ANKS1B: variants seen among roughly 807,000 people sequenced by gnomAD.
The protein encoded by ANKS1B is ankyrin repeat and sterile alpha motif domain-containing protein 1B.
ANKS1B carries 36 observed loss-of-function variants against 148.3 expected under a neutral mutation model. The ratio of observed to expected loss-of-function variants is 0.24; its 90% CI spans 0.19 to 0.32. The LOEUF (loss-of-function observed/expected upper bound fraction) is 0.32. Ranked by LOEUF, ANKS1B falls within the 10% of genes least tolerant of loss-of-function variation. ANKS1B has a pLI of 1.00. For synonymous variants in ANKS1B, 542 were observed against 560.8 expected (o/e 0.97, Z 0.47); for missense variants, 1,157 against 1,542.6 (o/e 0.75, Z 4.19).
chr12:99,858,904 C>A (rs1198753353), intron 1 of ANKS1B, among the ~76,000 whole-genome samples: 1 of 152,126 alleles, frequency 6.6e-6, no homozygotes. Context: ...GGATATAAGA[C>A]TACACACTGG....
chr12:99,515,584 A>G (rs1048666815), intron 9 of ANKS1B, among the ~76,000 whole-genome samples: 1 of 152,016 alleles, frequency 6.6e-6, no homozygotes, highest in Non-Finnish European at 1.5e-5. Flanking sequence ...CTTGATGGAC[A>G]CTTAGATTGC....
chr12:99,074,957 G>A (rs532535944), intron 16 of ANKS1B, among the ~76,000 whole-genome samples: 5 of 152,272 alleles, frequency 3.3e-5, no homozygotes, highest in African/African-American at 1.2e-4. Context: ...TTTATGAGGT[G>A]TAATGGGAAC....
intron 14 of ANKS1B, among the ~76,000 whole-genome samples, chr12:99,205,183 A>C (rs1393126088): frequency 6.6e-6 from 1 of 152,190 alleles, no homozygotes; most frequent in Non-Finnish European, 1.5e-5. Context: ...ATGATGGCCA[A>C]ATCTCTAAAC....
intron 17 of ANKS1B, among the ~76,000 whole-genome samples, chr12:98,961,407 A>C (rs1397298504): frequency 6.6e-6 from 1 of 152,208 alleles, no homozygotes; most frequent in Non-Finnish European, 1.5e-5. Flanking sequence ...TTAAATATGA[A>C]GGAGAAATAA....
At chr12:99,345,780 A>T (rs960679453) in intron 12 of ANKS1B, among the ~76,000 whole-genome samples, 1 of 151,920 alleles carries the variant, frequency 6.6e-6, no homozygotes, top group Non-Finnish European at 1.5e-5. Flanking sequence ...AGACCTTTTT[A>T]AAAAAACAGC....
intron 6 of ANKS1B, among the ~76,000 whole-genome samples, 160 bp downstream of exon 6, chr12:99,779,710 TA>T (rs749345187): frequency 1.3e-5 from 2 of 152,088 alleles, no homozygotes; most frequent in Admixed American, 6.5e-5. Context: ...AATAAAACAT[TA>T]AAAGGTATTA....
In ANKS1B at chr12:99,861,993, C is replaced by T. The variant is rs920858036; in HGVS notation, c.135-36604G>A. On this transcript the variant is annotated intron_variant, in intron 1 of 26. Transcript: ENST00000683438. ...GTGGGGCGGGGGTGGGGGGCTGAAG[C>T]CAAAGATTAAAATAAATGCATAATT... Among the ~76,000 whole-genome samples the T allele has an allele frequency of 2.6e-5, 4 of 151,948 alleles. No individual in the cohort carries two copies. The East Asian group carries it at 7.7e-4, about 29-fold the overall frequency.
chr12:99,457,404 A>G (rs555574722), intron 10 of ANKS1B, among the ~76,000 whole-genome samples: 1 of 152,176 alleles, frequency 6.6e-6, no homozygotes, highest in East Asian at 1.9e-4. Context: ...ATAGCATGAT[A>G]AACAGAACAG....
At chr12:99,363,943 G>A (rs905770050) in intron 12 of ANKS1B, among the ~76,000 whole-genome samples, 5 of 152,090 alleles carry the variant, frequency 3.3e-5, no homozygotes, top group Non-Finnish European at 5.9e-5. Context: ...GTATATATAA[G>A]AGGAAAACTA....
intron 1 of ANKS1B, among the ~76,000 whole-genome samples, chr12:99,906,032 T>C (rs1175063005): frequency 6.6e-6 from 1 of 152,176 alleles, no homozygotes; most frequent in Non-Finnish European, 1.5e-5. Context: ...AGGGATATGT[T>C]AAACATGAAA....
At position 99,885,310 on chromosome 12, in the gene ANKS1B, C is replaced by CTT. The variant is rs369104539; in HGVS notation, c.135-59923_135-59922dup. On this transcript the variant is annotated intron_variant, in intron 1 of 26. Coordinates refer to ENST00000683438, the MANE Select transcript of ANKS1B (RefSeq NM_001352186.2). ...CTTATTTCATAACACTTCTCATGTCCTTTTTTTTTTTTTTTTTTGAGACAG... is the reference window on the plus strand; with the variant it reads ...CTTATTTCATAACACTTCTCATGTCCTTTTTTTTTTTTTTTTTTTTGAGACAG... 8.8e-4 allele frequency among the ~76,000 whole-genome samples: 114 copies of CTT among 129,904 alleles called. 2 individuals are homozygous for CTT. The highest frequency in any genetic ancestry group is 2.4e-3 in the Admixed American group (29 of 12,240). 85.2% of individuals were successfully genotyped at this position (129,904 alleles called of 152,430 possible). A position where few individuals can be genotyped will look rare whatever the true frequency, so the allele number is the denominator to read the frequency against.
chr12:99,937,359 T>C (rs918959963), intron 1 of ANKS1B, among the ~76,000 whole-genome samples: 9 of 152,214 alleles, frequency 5.9e-5, no homozygotes, highest in African/African-American at 2.2e-4. Context: ...AAAATGTCAA[T>C]TCTACAGCTA....
intron 17 of ANKS1B, among the ~76,000 whole-genome samples, chr12:98,899,633 G>C (rs959682221): frequency 6.6e-6 from 1 of 152,106 alleles, no homozygotes; most frequent in Non-Finnish European, 1.5e-5. Context: ...CTAATGGCTT[G>C]CCTTAGCTCA....
chr12:99,459,432 T>G (rs1420664817), intron 10 of ANKS1B, among the ~76,000 whole-genome samples: 2 of 151,762 alleles, frequency 1.3e-5, no homozygotes, highest in Admixed American at 6.6e-5. Context: ...AAGAAAGAAA[T>G]AAAGGCCATC....
At chr12:98,957,805 T>A (rs1224673253) in intron 17 of ANKS1B, among the ~76,000 whole-genome samples, 1 of 152,178 alleles carries the variant, frequency 6.6e-6, no homozygotes, top group Non-Finnish European at 1.5e-5. Flanking sequence ...GATAAAGATG[T>A]GGGTTAAAGA....
chr12:99,050,388 C>T (rs926561217), intron 17 of ANKS1B, among the ~76,000 whole-genome samples: 6 of 152,128 alleles, frequency 3.9e-5, no homozygotes, highest in African/African-American at 1.4e-4. Flanking sequence ...TTAACATGGA[C>T]ATAATTAATC....
chr12:98,833,687 C>T (rs771012358), intron 17 of ANKS1B, among the ~76,000 whole-genome samples: 8 of 152,030 alleles, frequency 5.3e-5, no homozygotes, highest in Non-Finnish European at 7.4e-5. Context: ...TGAATGATCC[C>T]GTCACCAGGT....
At chr12:98,859,312 G>C (rs774253343) in intron 17 of ANKS1B, among the ~76,000 whole-genome samples, 9 of 152,188 alleles carry the variant, frequency 5.9e-5, no homozygotes, top group Non-Finnish European at 1.2e-4. Context: ...CTGGTTTCTG[G>C]CAAGAGCAGC....
intron 12 of ANKS1B, among the ~76,000 whole-genome samples, chr12:99,386,879 A>G (rs2093880361): frequency 6.6e-6 from 1 of 152,228 alleles, no homozygotes; most frequent in African/African-American, 2.4e-5. Flanking sequence ...AGAAAAAACT[A>G]CAGAGCTCAC....
Sources: allele counts gnomAD v4.1 joint callset (sites outside exome capture counted in the v4.1 genomes callset), GRCh38; gene constraint gnomAD v4.1.1; transcripts MANE v1.5; gene names NCBI Gene and HGNC (gene_info 2026-07-23, HGNC 2026-07-21).